PTPRO: variants seen among roughly 807,000 people sequenced by gnomAD.
PTPRO encodes protein tyrosine phosphatase receptor type O, also known as receptor-type tyrosine-protein phosphatase O.
A neutral mutation model predicts 145.2 loss-of-function variants in PTPRO; 62 were observed. That is an observed-to-expected ratio of 0.43 (90% CI 0.35 to 0.53). PTPRO has a LOEUF of 0.53. PTPRO is among the 20% of genes least tolerant of loss of function. The probability of loss-of-function intolerance (pLI) is 0.01; values close to 1 mark genes in which losing one functional copy is unlikely to be tolerated. For synonymous variants in PTPRO, 565 were observed against 514.7 expected (o/e 1.10, Z -1.32); for missense variants, 1,345 against 1,482.7 (o/e 0.91, Z 1.53).
intron 18 of PTPRO, 24 bp downstream of exon 18, chr12:15,565,652 T>C: frequency 7.2e-7 from 1 of 1,382,020 alleles, no homozygotes; most frequent in Non-Finnish European, 1.0e-6. Flanking sequence ...ACTATGTCAT[T>C]TAAAAGGATG....
intron 1 of PTPRO, among the ~76,000 whole-genome samples, chr12:15,415,173 G>A (rs1591791320): frequency 6.6e-6 from 1 of 151,924 alleles, no homozygotes; most frequent in Non-Finnish European, 1.5e-5. Context: ...AAAGATTTTG[G>A]AAAATCCATA....
chr12:15,452,044 T>C (rs77726218), intron 1 of PTPRO, among the ~76,000 whole-genome samples: 1,845 of 151,462 alleles, frequency 0.012, 33 homozygotes, highest in African/African-American at 0.042. Flanking sequence ...AAAAGATAAA[T>C]GAAACAAAAA....
chr12:15,448,618 G>A (rs1458680462), intron 1 of PTPRO, among the ~76,000 whole-genome samples: 1 of 151,978 alleles, frequency 6.6e-6, no homozygotes, highest in African/African-American at 2.4e-5. Context: ...CAGAATGGAG[G>A]CCTCTCAAAA....
In PTPRO at chr12:15,566,139, A is replaced by G. The variant is rs114231304; in HGVS notation, c.2747+511A>G. Among the ~76,000 whole-genome samples, 986 of 152,324 alleles carry G rather than the reference A, an allele frequency of 6.5e-3. 13 individuals carry two copies. The highest frequency in any genetic ancestry group is 0.023 in the African/African-American group (947 of 41,566). ...TCCTTATCTATTAAACCATTAAATG[A>G]GAAGAATTACTATTGTGGTAAGTGA... On this transcript the variant is annotated intron_variant, in intron 18 of 26. Coordinates refer to ENST00000281171, the MANE Select transcript of PTPRO (RefSeq NM_030667.3).
intron 1 of PTPRO, chr12:15,440,134 C>A (rs1940720432): frequency 3.1e-6 from 2 of 648,238 alleles, no homozygotes; most frequent in African/African-American, 1.8e-5. Flanking sequence ...ACATTGGCAT[C>A]ATCTCAGCCC....
intron 12 of PTPRO, among the ~76,000 whole-genome samples, chr12:15,534,934 C>G (rs913057912): frequency 6.6e-6 from 1 of 152,050 alleles, no homozygotes; most frequent in Non-Finnish European, 1.5e-5. Flanking sequence ...ACTTTGACTA[C>G]GGTGGTTGTA....
chr12:15,354,039 C>A (rs146792124), intron 1 of PTPRO, among the ~76,000 whole-genome samples: 227 of 152,272 alleles, frequency 1.5e-3, no homozygotes, highest in Middle Eastern at 0.01. Context: ...GTAAGCTGAA[C>A]AAACTAAGAT....
intron 1 of PTPRO, among the ~76,000 whole-genome samples, chr12:15,483,476 AC>A (rs1475884127): frequency 6.6e-6 from 1 of 152,098 alleles, no homozygotes. Context: ...CTCAATCCTG[AC>A]CTTTTTATAA....
intron 1 of PTPRO, among the ~76,000 whole-genome samples, chr12:15,362,193 C>T (rs1387862126): frequency 6.6e-6 from 1 of 152,224 alleles, no homozygotes; most frequent in African/African-American, 2.4e-5. Context: ...ATTCTTCAAG[C>T]TTCTCATGCA....
intron 2 of PTPRO, among the ~76,000 whole-genome samples, chr12:15,488,498 C>A (rs546460425): frequency 2.0e-5 from 3 of 152,246 alleles, no homozygotes; most frequent in East Asian, 3.9e-4. Flanking sequence ...TTTTTGCCAT[C>A]TTTATTTTTC....
At chr12:15,361,491 C>T (rs1591742021) in intron 1 of PTPRO, among the ~76,000 whole-genome samples, 1 of 141,602 alleles carries the variant, frequency 7.1e-6, no homozygotes, top group African/African-American at 2.6e-5. Flanking sequence ...AAATTCAGAA[C>T]ATGTATCCAA....
At position 15,452,547 on chromosome 12, in the gene PTPRO, A is replaced by G. The variant is rs1340471105; in HGVS notation, c.76-31427A>G. On this transcript the variant is annotated intron_variant, in intron 1 of 26. Transcript: ENST00000281171. Reference sequence around the variant, plus strand: ...CGGGGAAAGGACGTGACAGAAAACAAGAAAACTACAGACCAGTATCCCTGA... The same window carrying G: ...CGGGGAAAGGACGTGACAGAAAACAGGAAAACTACAGACCAGTATCCCTGA... Among the ~76,000 whole-genome samples the G allele has an allele frequency of 2.6e-5, 4 of 152,226 alleles. No homozygotes were observed. The East Asian group carries it at 7.7e-4, about 29-fold the overall frequency.
At chr12:15,506,998 A>G (rs1942333634) in intron 6 of PTPRO, among the ~76,000 whole-genome samples, 1 of 152,170 alleles carries the variant, frequency 6.6e-6, no homozygotes, top group African/African-American at 2.4e-5. Flanking sequence ...GGTTGAGAGC[A>G]TGGATTTTGG....
intron 13 of PTPRO, among the ~76,000 whole-genome samples, chr12:15,548,326 T>C (rs372851531): frequency 3.9e-4 from 60 of 152,222 alleles, no homozygotes; most frequent in African/African-American, 1.4e-3. Flanking sequence ...CACGCATTGA[T>C]GCCAAAGGTG....
chr12:15,565,448 A>G (rs113584988), intron 17 of PTPRO, 145 bp from the exon 18 acceptor site: 4 of 573,500 alleles, frequency 7.0e-6, no homozygotes, highest in African/African-American at 3.9e-5. Flanking sequence ...ATGTAAGGAA[A>G]AGTAAACAAA....
intron 3 of PTPRO, among the ~76,000 whole-genome samples, chr12:15,498,211 A>G (rs1348780681): frequency 6.6e-6 from 1 of 152,184 alleles, no homozygotes; most frequent in Admixed American, 6.5e-5. Flanking sequence ...TGCTGCTTTT[A>G]CACACTCATT....
chr12:15,531,095 C>A (rs1942953712), intron 12 of PTPRO, among the ~76,000 whole-genome samples: 1 of 151,988 alleles, frequency 6.6e-6, no homozygotes, highest in African/African-American at 2.4e-5. Context: ...CAGCTATAAA[C>A]CAACAAATTG....
intron 9 of PTPRO, among the ~76,000 whole-genome samples, chr12:15,517,669 A>C (rs1942628098): frequency 6.6e-6 from 1 of 152,206 alleles, no homozygotes; most frequent in Non-Finnish European, 1.5e-5. Context: ...CATTGACCAA[A>C]ACAAAGAGGC....
chr12:15,359,683 C>T (rs11056449), intron 1 of PTPRO, among the ~76,000 whole-genome samples: 36,868 of 151,946 alleles, frequency 0.24, 4,698 homozygotes, highest in Non-Finnish European at 0.29. Flanking sequence ...CTGCCTGGGC[C>T]TCCCAAAGTG....
Sources: allele counts gnomAD v4.1 joint callset (sites outside exome capture counted in the v4.1 genomes callset), GRCh38; gene constraint gnomAD v4.1.1; transcripts MANE v1.5; gene names NCBI Gene and HGNC (gene_info 2026-07-23, HGNC 2026-07-21).